The following SORBS2 variants were observed in gnomAD, a reference collection of about 807,000 sequenced individuals.
SORBS2 encodes the protein sorbin and SH3 domain containing 2, also known as sorbin and SH3 domain-containing protein 2.
SORBS2 carries 46 observed loss-of-function variants against 97.7 expected under a neutral mutation model. The observed-to-expected ratio is 0.47, with a 90% CI of 0.37 to 0.60. The LOEUF (loss-of-function observed/expected upper bound fraction) is 0.60, where lower values mean the gene tolerates loss of function less well. Among genes scored for constraint, SORBS2 ranks in the 20% least tolerant of loss-of-function variants. The probability of loss-of-function intolerance (pLI) is 0.00; values close to 1 mark genes in which losing one functional copy is unlikely to be tolerated. For synonymous variants in SORBS2, 476 were observed against 473.4 expected, an observed-to-expected ratio of 1.01 and a Z score of -0.07; for missense variants, 1,316 against 1,282.3, an observed-to-expected ratio of 1.03 and a Z score of -0.40.
chr4:185,867,128 C>T (rs2099227320), intron 1 of SORBS2, among the ~76,000 whole-genome samples: 1 of 152,168 alleles, frequency 6.6e-6, no homozygotes, highest in African/African-American at 2.4e-5. Flanking sequence ...TCTCCTGCCT[C>T]AGCCTCCTGA....
chr4:185,612,197 A>T (rs1223180955), intron 11 of SORBS2, among the ~76,000 whole-genome samples: 1 of 152,222 alleles, frequency 6.6e-6, no homozygotes, highest in Non-Finnish European at 1.5e-5. Context: ...TCAGGCCATC[A>T]GAATCTTCCC....
chr4:185,725,017 G>A (rs1263845845), intron 2 of SORBS2, among the ~76,000 whole-genome samples: 1 of 152,124 alleles, frequency 6.6e-6, no homozygotes, highest in East Asian at 1.9e-4. Flanking sequence ...CATGCTCAGT[G>A]TACTTAAAAA....
At chr4:185,825,297 G>A (rs568669385) in intron 1 of SORBS2, among the ~76,000 whole-genome samples, 1 of 151,140 alleles carries the variant, frequency 6.6e-6, no homozygotes, top group Admixed American at 6.6e-5. Context: ...AGATTACCAT[G>A]TGCCAGGCAC....
At chr4:185,639,123 G>A in intron 4 of SORBS2, 88 bp from the exon 14 acceptor site, 1 of 1,250,754 alleles carries the variant, frequency 8.0e-7, no homozygotes, top group Non-Finnish European at 1.1e-6. Flanking sequence ...CGCTGTGCCT[G>A]CGTTAGGCCG....
chr4:185,626,771 A>G (rs1341021180), intron 6 of SORBS2, 61 bp downstream of exon 18: 5 of 1,529,910 alleles, frequency 3.3e-6, no homozygotes, highest in South Asian at 1.1e-5. Context: ...CAGCTTTCAC[A>G]CAGTGCTCTA....
At chr4:185,781,429 T>C (rs62335676) in intron 1 of SORBS2, among the ~76,000 whole-genome samples, 6,954 of 152,348 alleles carry the variant, frequency 0.046, 237 homozygotes, top group Non-Finnish European at 0.072. Context: ...CCCTGCACGA[T>C]CTGGTGTTCT....
upstream of SORBS2, chr4:185,657,220 A>T (rs568367684): frequency 1.4e-4 from 65 of 450,096 alleles, no homozygotes; most frequent in Non-Finnish European, 2.2e-4. Flanking sequence ...GTTTCATTCA[A>T]ATGGAAAAAC....
At chr4:185,791,878 T>C (rs2099081799) in intron 1 of SORBS2, among the ~76,000 whole-genome samples, 1 of 152,140 alleles carries the variant, frequency 6.6e-6, no homozygotes, top group Non-Finnish European at 1.5e-5. Flanking sequence ...GGTTCCAAAG[T>C]AGAGCTAATC....
chr4:185,629,560 A>ATTTTTTTTTTTTTTTTTTTTTTTTTT (rs201590422), intron 5 of SORBS2, among the ~76,000 whole-genome samples: 2 of 134,084 alleles, frequency 1.5e-5, no homozygotes, highest in Admixed American at 7.4e-5. Flanking sequence ...GAATTTTGTG[A>ATTTTTTTTTTTTTTTTTTTTTTTTTT]TTTGTTTTTT....
At chr4:185,870,588 C>T (rs1302835492) in intron 1 of SORBS2, among the ~76,000 whole-genome samples, 3 of 152,228 alleles carry the variant, frequency 2.0e-5, no homozygotes, top group East Asian at 1.9e-4. Flanking sequence ...GAGGTTGGCA[C>T]GTTGGACGGA....
intron 2 of SORBS2, among the ~76,000 whole-genome samples, chr4:185,735,702 GTGTGTA>G (rs2098681031): frequency 6.6e-6 from 1 of 152,030 alleles, no homozygotes; most frequent in Non-Finnish European, 1.5e-5. Flanking sequence ...ACGTTTGTGT[GTGTGTA>G]TGTGTGTGTG....
chr4:185,663,456 G>A (rs1055103295), intron 4 of SORBS2, among the ~76,000 whole-genome samples: 1 of 152,130 alleles, frequency 6.6e-6, no homozygotes, highest in Non-Finnish European at 1.5e-5. Flanking sequence ...TGTGCTTATT[G>A]ATTAAATAAT....
intron 1 of SORBS2, among the ~76,000 whole-genome samples, chr4:185,833,058 A>C (rs1220880504): frequency 2.6e-5 from 4 of 152,248 alleles, no homozygotes; most frequent in Admixed American, 2.0e-4. Context: ...ACTACTGTAC[A>C]TAGTTGGAAC....
chr4:185,766,158 T>TGACATCC (rs1481109517), intron 2 of SORBS2, among the ~76,000 whole-genome samples: 1 of 152,320 alleles, frequency 6.6e-6, no homozygotes, highest in East Asian at 1.9e-4. Flanking sequence ...GTCTGACATC[T>TGACATCC]GACATCCTTC....
chr4:185,671,870 A>G (rs894237307), intron 4 of SORBS2, among the ~76,000 whole-genome samples: 4 of 152,222 alleles, frequency 2.6e-5, no homozygotes, highest in Admixed American at 2.6e-4. Flanking sequence ...AAGTGTATTC[A>G]GAAAAGGCTG....
chr4:185,666,838 C>G (rs1389510714), intron 4 of SORBS2, among the ~76,000 whole-genome samples: 1 of 152,162 alleles, frequency 6.6e-6, no homozygotes, highest in Non-Finnish European at 1.5e-5. Flanking sequence ...AAACCAGCCA[C>G]TGATAATAGT....
intron 1 of SORBS2, among the ~76,000 whole-genome samples, chr4:185,849,939 G>C (rs3796645): frequency 0.069 from 10,560 of 152,308 alleles, 457 homozygotes; most frequent in East Asian, 0.13. Context: ...TGGGGCAGAG[G>C]AGACAAGCTG....
chr4:185,798,379 G>A (rs1392638859), intron 1 of SORBS2, among the ~76,000 whole-genome samples: 1 of 151,938 alleles, frequency 6.6e-6, no homozygotes, highest in African/African-American at 2.4e-5. Context: ...TTTTTAACTT[G>A]CATTATTTCT....
intron 1 of SORBS2, among the ~76,000 whole-genome samples, chr4:185,811,462 C>T (rs1050029722): frequency 2.6e-4 from 40 of 152,112 alleles, no homozygotes; most frequent in African/African-American, 9.7e-4. Context: ...TTTTTATCTT[C>T]CAATTGCTAG....
Sources: allele counts gnomAD v4.1 joint callset (sites outside exome capture counted in the v4.1 genomes callset), GRCh38; gene constraint gnomAD v4.1.1; transcripts MANE v1.5; gene names NCBI Gene and HGNC (gene_info 2026-07-23, HGNC 2026-07-21).